The following ADGRL4 variants were observed in gnomAD, a reference collection of about 807,000 sequenced individuals.
The protein encoded by ADGRL4 is EGF, latrophilin and seven transmembrane domain containing 1.
ADGRL4 carries 90 observed loss-of-function variants against 74.8 expected under a neutral mutation model. That is an observed-to-expected ratio of 1.20 (90% confidence interval 1.02 to 1.43). The LOEUF (loss-of-function observed/expected upper bound fraction) is 1.43, where lower values mean the gene tolerates loss of function less well. ADGRL4 is among the 40% of genes most tolerant of loss of function. The probability of loss-of-function intolerance (pLI) is 0.00; values close to 1 mark genes in which losing one functional copy is unlikely to be tolerated. For missense variants in ADGRL4, 881 were observed against 814.3 expected, an observed-to-expected ratio of 1.08 and a Z score of -1.00; for synonymous variants, 311 against 279.2, an observed-to-expected ratio of 1.11 and a Z score of -1.14.
chr1:78,943,188 A>G (rs1280955717), intron 3 of ADGRL4, among the ~76,000 whole-genome samples: 1 of 152,202 alleles, frequency 6.6e-6, no homozygotes, highest in Admixed American at 6.5e-5. Context: ...AAAAAAATCT[A>G]CAATTATCAT....
At chr1:79,003,750 A>G (rs1336587121) in intron 2 of ADGRL4, among the ~76,000 whole-genome samples, 1 of 152,088 alleles carries the variant, frequency 6.6e-6, no homozygotes, top group African/African-American at 2.4e-5. Flanking sequence ...ATGAAGTACT[A>G]TGGTACAATT....
intron 3 of ADGRL4, 100 bp downstream of exon 3, chr1:78,946,174 G>T (rs1480959746): frequency 1.2e-6 from 1 of 837,900 alleles, no homozygotes; most frequent in Non-Finnish European, 1.7e-6. Flanking sequence ...CGTAGGGTAC[G>T]ATCAAGGTCT....
At chr1:78,999,796 C>CTATG (rs1650801056) in intron 2 of ADGRL4, among the ~76,000 whole-genome samples, 3 of 126,470 alleles carry the variant, frequency 2.4e-5, no homozygotes, top group African/African-American at 9.1e-5. Flanking sequence ...TTATATCTAT[C>CTATG]TATCTATCTA....
intron 2 of ADGRL4, among the ~76,000 whole-genome samples, chr1:78,978,146 C>G (rs1339611050): frequency 2.0e-5 from 3 of 151,864 alleles, no homozygotes; most frequent in Non-Finnish European, 4.4e-5. Flanking sequence ...TTGGCTCTTT[C>G]ACCCTAAATC....
intron 6 of ADGRL4, among the ~76,000 whole-genome samples, chr1:78,937,422 G>T (rs1649378064): frequency 6.6e-6 from 1 of 152,220 alleles, no homozygotes; most frequent in Non-Finnish European, 1.5e-5. Context: ...TCCAGCCTGG[G>T]TGACAGAGCC....
chr1:78,938,230 T>C lies in ADGRL4; in HGVS notation c.446A>G (p.Asn149Ser), dbSNP rs761817991. The C allele has an allele frequency of 6.2e-7, 1 of 1,610,598 alleles. No individual in the cohort carries two copies. The highest frequency in any genetic ancestry group is 8.5e-7 in the Non-Finnish European group (1 of 1,179,162). Residue 149 changes from asparagine (N) to serine (S), a missense_variant, in exon 5 of 15, where the codon AAT (asparagine) becomes AGT (serine). Transcript: ENST00000370742. ...PVALLQEVYR[N>S]SVTDLSPTDI... Reference sequence around the variant, plus strand: ...TGTTGGTGAAAGATCTGTCACAGAATTTCTATAGACTTCTTGTAGCAAAGC... The same window carrying C: ...TGTTGGTGAAAGATCTGTCACAGAACTTCTATAGACTTCTTGTAGCAAAGC...
At chr1:78,997,568 C>T (rs1455057937) in intron 2 of ADGRL4, among the ~76,000 whole-genome samples, 1 of 152,082 alleles carries the variant, frequency 6.6e-6, no homozygotes, top group Non-Finnish European at 1.5e-5. Flanking sequence ...ATAGAAGCCT[C>T]TTCTAAATTT....
chr1:78,954,452 T>G (rs1649790337), intron 2 of ADGRL4, among the ~76,000 whole-genome samples: 2 of 152,108 alleles, frequency 1.3e-5, no homozygotes, highest in Admixed American at 6.6e-5. Context: ...GAGCTATCAT[T>G]AAATAATTTT....
rs1485049412 is a variant in ADGRL4, at chr1:78,975,703, C to G, written c.173-29277G>C. ...ATTTGTCAAAAACACTATAGAGTCA[C>G]TATTTTGCGCTGGGCAAGGTATTAT... On this transcript the variant is annotated intron_variant, in intron 2 of 14. Coordinates refer to ENST00000370742, the MANE Select transcript of ADGRL4 (RefSeq NM_022159.4). 9.9e-5 allele frequency among the ~76,000 whole-genome samples: 15 copies of G among 151,766 alleles called. No homozygotes were observed. The East Asian group carries it at 2.7e-3, about 27-fold the overall frequency.
chr1:78,959,040 A>G lies in ADGRL4; in HGVS notation c.173-12614T>C, dbSNP rs551706296. On this transcript the variant is annotated intron_variant, in intron 2 of 14. Coordinates refer to ENST00000370742, the MANE Select transcript of ADGRL4 (RefSeq NM_022159.4). ...TTTCAGCAACAAAGTATTTTAAATT[A>G]AAGTACATACATTGTTTTCTTTAGA... Among the ~76,000 whole-genome samples the G allele has an allele frequency of 2.0e-5, 3 of 152,340 alleles. No homozygotes were observed. In the South Asian group the frequency reaches 6.2e-4, roughly 32 times the overall value.
Position 79,005,118 on chromosome 1 carries a change from A to C in ADGRL4, c.124T>G (p.Cys42Gly). 1 of 1,612,882 alleles carries C rather than the reference A, an allele frequency of 6.2e-7. No individual in the cohort carries two copies. The highest frequency in any genetic ancestry group is 8.5e-7 in the Non-Finnish European group (1 of 1,179,618). ...CCTGAAAATCCCATGTTGCAATAGC[A>C]GGCTTCAATTCCATTGCGTATTTCA... ...KCEIRNGIEA[C>G]YCNMGFSGNG... The change falls in exon 2 of 15, where the codon TGC becomes GGC. Residue 42 changes from cysteine (C) to glycine (G), a missense_variant. Transcript: ENST00000370742.
At chr1:78,920,622 T>A (rs1648977787) in intron 9 of ADGRL4, among the ~76,000 whole-genome samples, 1 of 151,916 alleles carries the variant, frequency 6.6e-6, no homozygotes, top group Non-Finnish European at 1.5e-5. Flanking sequence ...TTGGTGATTT[T>A]TTTTCTAGGC....
intron 12 of ADGRL4, among the ~76,000 whole-genome samples, chr1:78,909,121 G>A (rs1358699059): frequency 6.6e-6 from 1 of 151,842 alleles, no homozygotes; most frequent in Admixed American, 6.6e-5. Flanking sequence ...AAACACAGAG[G>A]TGACTGAAAG....
In ADGRL4 at chr1:78,921,148, C is replaced by T. The variant is rs139223702; in HGVS notation, c.1257+465G>A. Among the ~76,000 whole-genome samples, 145 of 151,676 alleles carry T rather than the reference C, an allele frequency of 9.6e-4. 1 individual carries two copies. Among genetic ancestry groups the T allele is most frequent in the African/African-American group, 3.4e-3 (140 of 41,448 alleles). The stretch of plus-strand genomic sequence containing the variant: ...TGAAACTATTCACCTTAGAGAGATT[C>T]TTCATGTTTAAAAATCTTGTGGCGT... On this transcript the variant is annotated intron_variant, in intron 9 of 14. Transcript: ENST00000370742.
At chr1:78,998,777 T>C (rs1557525757) in intron 2 of ADGRL4, among the ~76,000 whole-genome samples, 1 of 152,194 alleles carries the variant, frequency 6.6e-6, no homozygotes, top group East Asian at 1.9e-4. Flanking sequence ...TCAATGAGAT[T>C]CACTTTCTTT....
chr1:78,988,348 T>C (rs1026840060), intron 2 of ADGRL4, among the ~76,000 whole-genome samples: 1 of 151,848 alleles, frequency 6.6e-6, no homozygotes, highest in African/African-American at 2.4e-5. Context: ...TATGAAAACA[T>C]ACTGTTGAGA....
intron 12 of ADGRL4, among the ~76,000 whole-genome samples, chr1:78,911,614 A>AACACAC (rs34707725): frequency 3.3e-4 from 50 of 150,056 alleles, no homozygotes; most frequent in African/African-American, 1.1e-3. Context: ...TCAAGATCTA[A>AACACAC]ACACACACAC....
rs561457675 is a variant in ADGRL4, at chr1:78,998,508, T to G, written c.172+6562A>C. Among the ~76,000 whole-genome samples the G allele has an allele frequency of 9.8e-4, 149 of 151,782 alleles. 2 individuals are homozygous for G. Among genetic ancestry groups the G allele is most frequent in the Middle Eastern group, 3.4e-3 (1 of 294 alleles). On this transcript the variant is annotated intron_variant, in intron 2 of 14. Coordinates refer to ENST00000370742, the MANE Select transcript of ADGRL4 (RefSeq NM_022159.4). ...CCTCAGTCTCCCGAGTAGCTTGGAC[T>G]ACAGGCATGTGCCACCATGTCCAGC...
At chr1:78,960,470 AG>A (rs1337194078) in intron 2 of ADGRL4, among the ~76,000 whole-genome samples, 1 of 152,168 alleles carries the variant, frequency 6.6e-6, no homozygotes, top group African/African-American at 2.4e-5. Context: ...ACTCTTATTG[AG>A]TGACTTAACA....
Sources: allele counts gnomAD v4.1 joint callset (sites outside exome capture counted in the v4.1 genomes callset), GRCh38; gene constraint gnomAD v4.1.1; transcripts MANE v1.5; gene names NCBI Gene and HGNC (gene_info 2026-07-23, HGNC 2026-07-21).